Variants in RAD51B observed in about 807,000 individuals in gnomAD.
RAD51B encodes DNA repair protein RAD51 homolog 2.
RAD51B carries 38 observed loss-of-function variants against 42.2 expected under a neutral mutation model. The observed-to-expected ratio is 0.90, with a 90% confidence interval of 0.70 to 1.18. RAD51B has a LOEUF of 1.18. RAD51B is among the 50% of genes most tolerant of loss of function. RAD51B has a pLI of 0.00. For synonymous variants in RAD51B, 154 were observed against 145.2 expected (o/e 1.06, Z -0.43); for missense variants, 373 against 400.7 (o/e 0.93, Z 0.59).
intron 4 of RAD51B, among the ~76,000 whole-genome samples, chr14:67,858,684 T>C (rs1364100688): frequency 1.3e-5 from 2 of 152,250 alleles, no homozygotes; most frequent in East Asian, 3.8e-4. Flanking sequence ...GTTCTCACTC[T>C]GGTCCAGGGA....
intron 7 of RAD51B, among the ~76,000 whole-genome samples, chr14:67,901,442 G>A (rs75727992): frequency 6.6e-6 from 1 of 152,132 alleles, no homozygotes; most frequent in African/African-American, 2.4e-5. Flanking sequence ...GTGCAGTCCT[G>A]TGGGTATTTT....
chr14:67,940,835 A>G (rs2045176351), intron 7 of RAD51B, among the ~76,000 whole-genome samples: 1 of 152,038 alleles, frequency 6.6e-6, no homozygotes, highest in Non-Finnish European at 1.5e-5. Flanking sequence ...GTCCCATATT[A>G]TACAAATGTT....
chr14:68,327,849 G>A (rs1381810372), intron 8 of RAD51B, among the ~76,000 whole-genome samples: 2 of 152,122 alleles, frequency 1.3e-5, no homozygotes, highest in African/African-American at 4.8e-5. Context: ...TAGTAAACAC[G>A]ATCCTGGTAC....
At chr14:68,594,909 C>T (rs1890926938) in exon 11 of RAD51B, 2 of 1,095,744 alleles carry the variant, frequency 1.8e-6, no homozygotes, top group East Asian at 4.5e-5. Flanking sequence ...CCCTGGCTTG[C>T]TGCTGAGCTA....
In RAD51B at chr14:68,399,872, A is replaced by C. The variant is rs145398342; in HGVS notation, c.854-11552A>C. On this transcript the variant is annotated intron_variant, in intron 8 of 10. Transcript: ENST00000471583. ...AATGTACTCTATGGCAGTTTTTTCC[A>C]GGATGCAGTCCAGGATTAGACATGG... is the stretch of plus-strand genomic sequence containing the variant. Among the ~76,000 whole-genome samples, 429 of 152,340 alleles carry C rather than the reference A, an allele frequency of 2.8e-3. 4 individuals are homozygous for C. Among genetic ancestry groups the C allele is most frequent in the African/African-American group, 1.0e-2 (414 of 41,576 alleles).
intron 7 of RAD51B, among the ~76,000 whole-genome samples, chr14:67,953,142 A>G (rs184791331): frequency 2.0e-5 from 3 of 152,312 alleles, no homozygotes; most frequent in Admixed American, 2.0e-4. Context: ...TCAACCATCT[A>G]AGAGGACTGT....
rs1200117692 is a variant in RAD51B at position 67,874,096 on chromosome 14, A to T, written c.452+8957A>T. Reference sequence around the variant, plus strand: ...TAAAACTTAAAGTATAATAATAATAAATTAATTAATTAAAAAAATGTATTA... The same window carrying T: ...TAAAACTTAAAGTATAATAATAATATATTAATTAATTAAAAAAATGTATTA... On this transcript the variant is annotated intron_variant, in intron 5 of 10. Transcript: ENST00000471583. Among the ~76,000 whole-genome samples the T allele has an allele frequency of 2.0e-5, 3 of 150,896 alleles. No homozygotes were observed. In the South Asian group the frequency reaches 6.2e-4, roughly 31 times the overall value.
At chr14:68,020,678 T>A (rs2075849325) in intron 7 of RAD51B, among the ~76,000 whole-genome samples, 1 of 151,026 alleles carries the variant, frequency 6.6e-6, no homozygotes, top group Admixed American at 6.6e-5. Context: ...GAGATGGATG[T>A]TGTTGGTTGC....
At chr14:67,995,516 C>T (rs2140299985) in intron 7 of RAD51B, among the ~76,000 whole-genome samples, 1 of 152,284 alleles carries the variant, frequency 6.6e-6, no homozygotes, top group South Asian at 2.1e-4. Flanking sequence ...ATCCTTGCTC[C>T]TTCCATCCCA....
chr14:68,300,530 T>G lies in RAD51B; in HGVS notation c.853+8550T>G, dbSNP rs7141381. Among the ~76,000 whole-genome samples, 706 of 152,284 alleles carry G rather than the reference T, an allele frequency of 4.6e-3. 2 individuals carry two copies. The highest frequency in any genetic ancestry group is 7.5e-3 in the Non-Finnish European group (507 of 68,010). The stretch of plus-strand genomic sequence containing the variant: ...CAGCGCTCTCCTTTCAAATAAAAAT[T>G]TTGATAGAAGTTACCTATCACTAGT... On this transcript the variant is annotated intron_variant, in intron 8 of 10. Transcript: ENST00000471583.
chr14:68,060,197 G>A (rs1041248038), intron 7 of RAD51B, among the ~76,000 whole-genome samples: 3 of 152,148 alleles, frequency 2.0e-5, no homozygotes, highest in Non-Finnish European at 4.4e-5. Context: ...TAAAGCATAT[G>A]CCAGATTATA....
chr14:68,356,155 G>A (rs530350069), intron 8 of RAD51B, among the ~76,000 whole-genome samples: 10 of 152,278 alleles, frequency 6.6e-5, no homozygotes, highest in East Asian at 3.9e-4. Flanking sequence ...TATGTTGGCC[G>A]GGCGCGGTGG....
At chr14:68,613,485 A>G (rs1460303510), downstream of RAD51B, among the ~76,000 whole-genome samples, 4 of 143,542 alleles carry the variant, frequency 2.8e-5, no homozygotes, top group Admixed American at 7.2e-5. Flanking sequence ...ATGGAGTCTC[A>G]CTCTGTCACC....
intron 7 of RAD51B, among the ~76,000 whole-genome samples, chr14:68,253,365 T>C (rs2080682150): frequency 6.6e-6 from 1 of 152,168 alleles, no homozygotes; most frequent in South Asian, 2.1e-4. Context: ...CTGTATGTTG[T>C]GTTTTGTCTT....
At chr14:68,620,913 G>A (rs1396497576) in intron 10 of RAD51B, among the ~76,000 whole-genome samples, 3 of 152,156 alleles carry the variant, frequency 2.0e-5, no homozygotes, top group African/African-American at 7.2e-5. Flanking sequence ...GAGCCAGGGG[G>A]TTTTCATCAG....
intron 5 of RAD51B, among the ~76,000 whole-genome samples, chr14:67,868,683 C>A (rs1166025056): frequency 6.6e-6 from 1 of 152,186 alleles, no homozygotes; most frequent in African/African-American, 2.4e-5. Context: ...CATAAATGTC[C>A]CTGTCTGACA....
At chr14:68,595,105 C>T in exon 11 of RAD51B, 1 of 1,067,040 alleles carries the variant, frequency 9.4e-7, no homozygotes. Context: ...TGAACCACAG[C>T]ATTTTGGTAA....
At chr14:68,033,974 TAAGA>T (rs1431041331) in intron 7 of RAD51B, among the ~76,000 whole-genome samples, 1 of 152,184 alleles carries the variant, frequency 6.6e-6, no homozygotes, top group East Asian at 1.9e-4. Flanking sequence ...TTGTTGTTCC[TAAGA>T]AAGTAGTCTT....
chr14:68,018,874 A>T (rs1161677490), intron 7 of RAD51B, among the ~76,000 whole-genome samples: 2 of 152,186 alleles, frequency 1.3e-5, no homozygotes, highest in African/African-American at 4.8e-5. Flanking sequence ...TCAAAGTCTG[A>T]TTCTTCCATT....
Sources: allele counts gnomAD v4.1 joint callset (sites outside exome capture counted in the v4.1 genomes callset), GRCh38; gene constraint gnomAD v4.1.1; transcripts MANE v1.5; gene names NCBI Gene and HGNC (gene_info 2026-07-23, HGNC 2026-07-21).